BUD31: variants seen among roughly 807,000 people sequenced by gnomAD.
The protein encoded by BUD31 is BUD31 spliceosome associated protein.
In BUD31, 9 loss-of-function variants were observed where a neutral mutation model predicts 17.9. The ratio of observed to expected loss-of-function variants is 0.50; its 90% CI spans 0.30 to 0.88. The LOEUF (loss-of-function observed/expected upper bound fraction) is 0.88. Among genes scored for constraint, BUD31 ranks in the 40% least tolerant of loss-of-function variants. The probability of loss-of-function intolerance (pLI) is 0.06; values close to 1 mark genes in which losing one functional copy is unlikely to be tolerated. For synonymous variants in BUD31, 70 were observed against 64.7 expected, an observed-to-expected ratio of 1.08 and a Z score of -0.39; for missense variants, 148 against 184.5, an observed-to-expected ratio of 0.80 and a Z score of 1.15.
In BUD31 at chr7:99,416,255, G is replaced by T. The variant is rs1795446078; in HGVS notation, c.212G>T (p.Ser71Ile). The change falls in exon 4 of 6, where the codon AGC (serine) becomes ATC (isoleucine). Residue 71 changes from serine to isoleucine, a missense_variant. Transcript: ENST00000222969. ...FDLFYKRKAI[S>I]RELYEYCIKE... ...CTCTTTTACAAGCGGAAAGCCATCA[G>T]CAGAGGTAATTAGTCAGTCTCTCTT... is the stretch of plus-strand genomic sequence containing the variant. The T allele has an allele frequency of 1.2e-6, 2 of 1,613,460 alleles. No individual in the cohort carries two copies. Among genetic ancestry groups the T allele is most frequent in the Non-Finnish European group, 1.7e-6 (2 of 1,179,554 alleles).
chr7:99,412,172 CAG>C (rs1233579068), intron 3 of BUD31, among the ~76,000 whole-genome samples: 1 of 152,144 alleles, frequency 6.6e-6, no homozygotes, highest in Non-Finnish European at 1.5e-5. Context: ...ATTAAATACT[CAG>C]TACTTGTTTT....
rs370702859 is a variant in BUD31 at position 99,419,343 on chromosome 7, G to T, written c.385-48G>T. On this transcript the variant is annotated intron_variant, in intron 5 of 5. Coordinates refer to ENST00000222969, the MANE Select transcript of BUD31 (RefSeq NM_003910.4). ...GTTGCCACATATGTGAGTGTGCAGG[G>T]GCGAGCGTGGCGCAGTGGCATCGTC... The T allele has an allele frequency of 2.2e-5, 36 of 1,606,052 alleles. No individual in the cohort carries two copies. The African/African-American group carries it at 3.7e-4, about 17-fold the overall frequency.
rs992118469 is a variant in BUD31, at chr7:99,408,992, C to G, written c.-419C>G. The G allele has an allele frequency of 6.4e-6, 1 of 156,346 alleles. No homozygotes were observed. Among genetic ancestry groups the G allele is most frequent in the Non-Finnish European group, 1.4e-5 (1 of 70,828 alleles). The allele number at this position is 156,346 out of a possible 1,614,324, so 9.7% of individuals were successfully genotyped here. ...CTGTCGAGAAGCAGCTACCCAAGCT[C>G]CAGGAGCTTCCGGTATGTGTTTTCC... is the stretch of plus-strand genomic sequence containing the variant. On this transcript the variant is annotated 5_prime_UTR_variant, in exon 1 of 6. Coordinates refer to ENST00000222969, the MANE Select transcript of BUD31 (RefSeq NM_003910.4).
chr7:99,414,186 C>T (rs1795296760), intron 3 of BUD31, among the ~76,000 whole-genome samples: 2 of 151,750 alleles, frequency 1.3e-5, no homozygotes, highest in South Asian at 4.2e-4. Flanking sequence ...GTTGCCCACG[C>T]TGGAGTGCAG....
chr7:99,416,122 C>G lies in BUD31; in HGVS notation c.95-16C>G. ...CCGACCCTATTCCCCCAAACACACT[C>G]TTTGTTTCTCCCCAGCTGAAACAGA... On this transcript the variant is annotated splice_polypyrimidine_tract_variant and intron_variant, in intron 3 of 5. Transcript: ENST00000222969. 6.2e-7 allele frequency: 1 copy of G among 1,612,780 alleles called. No individual in the cohort carries two copies. Among genetic ancestry groups the G allele is most frequent in the Non-Finnish European group, 8.5e-7 (1 of 1,179,006 alleles).
chr7:99,409,702 C>A (rs1026627541), intron 1 of BUD31, among the ~76,000 whole-genome samples: 3 of 131,206 alleles, frequency 2.3e-5, no homozygotes, highest in South Asian at 2.4e-4. Flanking sequence ...CCTGATTCTA[C>A]CTTATAGAGT....
chr7:99,417,416 A>T lies in BUD31; in HGVS notation c.218-13A>T, dbSNP rs989037078. On this transcript the variant is annotated splice_polypyrimidine_tract_variant and intron_variant, in intron 4 of 5. Transcript: ENST00000222969. ...GACCATGGCCTGATGCTCTTTCCCCATCTTTTTGACAGAACTCTATGAATA... is the reference window on the plus strand; with the variant it reads ...GACCATGGCCTGATGCTCTTTCCCCTTCTTTTTGACAGAACTCTATGAATA... The T allele has an allele frequency of 6.2e-7, 1 of 1,613,440 alleles. No homozygotes were observed. The highest frequency in any genetic ancestry group is 1.3e-5 in the African/African-American group (1 of 74,908).
chr7:99,412,585 C>G (rs576097089), intron 3 of BUD31, among the ~76,000 whole-genome samples: 1 of 151,910 alleles, frequency 6.6e-6, no homozygotes, highest in South Asian at 2.1e-4. Flanking sequence ...TCCACTGCCA[C>G]GCTTGGCTAA....
rs774625404 is a variant in BUD31 at position 99,417,694 on chromosome 7, G to A, written c.384+99G>A. ...TGTTATTTGGTTGGGCTGGAATGTCGTTTTGTCCCTGGATGTCCTGCTGGC... is the reference window on the plus strand; with the variant it reads ...TGTTATTTGGTTGGGCTGGAATGTCATTTTGTCCCTGGATGTCCTGCTGGC... On this transcript the variant is annotated intron_variant, in intron 5 of 5. Coordinates refer to ENST00000222969, the MANE Select transcript of BUD31 (RefSeq NM_003910.4). 1.1e-4 allele frequency: 175 copies of A among 1,555,550 alleles called. No individual in the cohort carries two copies. The South Asian group carries it at 1.6e-3, about 14-fold the overall frequency.
chr7:99,412,791 T>G (rs1050637872), intron 3 of BUD31, among the ~76,000 whole-genome samples: 4 of 150,560 alleles, frequency 2.7e-5, no homozygotes, highest in African/African-American at 9.9e-5. Context: ...TTTTTTTTTT[T>G]TTTGTATTTT....
At position 99,416,201 on chromosome 7, in the gene BUD31, A is replaced by C. The variant is rs1562832019; in HGVS notation, c.158A>C (p.His53Pro). ...VESLWPIFRI[H>P]HQKTRYIFDL... ...TCTCTGTGGCCCATCTTCAGGATCC[A>C]CCACCAGAAAACCCGCTACATCTTC... The change falls in exon 4 of 6, where the codon CAC (histidine) becomes CCC (proline). Residue 53 changes from histidine (H) to proline (P), a missense_variant. Transcript: ENST00000222969. The C allele has an allele frequency of 1.2e-6, 2 of 1,614,058 alleles. No homozygotes were observed. The highest frequency in any genetic ancestry group is 1.7e-6 in the Non-Finnish European group (2 of 1,179,950).
At chr7:99,419,240 T>C (rs1323318027) in intron 5 of BUD31, 151 bp from the exon 6 acceptor site, 1 of 870,866 alleles carries the variant, frequency 1.1e-6, no homozygotes, top group Non-Finnish European at 1.8e-6. Context: ...GAGCCAAATT[T>C]TCCCTGTCCA....
intron 3 of BUD31, 76 bp downstream of exon 3, chr7:99,411,262 A>C: frequency 9.2e-7 from 1 of 1,091,620 alleles, no homozygotes; most frequent in South Asian, 1.4e-5. Context: ...GGACAGGCAT[A>C]AATGCAAATA....
chr7:99,410,323 A>G (rs1174252275), intron 2 of BUD31, among the ~76,000 whole-genome samples, 154 bp downstream of exon 2: 1 of 149,208 alleles, frequency 6.7e-6, no homozygotes, highest in Admixed American at 6.7e-5. Flanking sequence ...GGCTCAAGTG[A>G]TCCTCTTGCC....
At position 99,410,188 on chromosome 7, in the gene BUD31, C is replaced by G. The variant is rs556376648; in HGVS notation, c.-30+19C>G. On this transcript the variant is annotated intron_variant, in intron 2 of 5. Transcript: ENST00000222969. ...TCCTAAGGTACTTTGATTTTACAGT[C>G]ATCTTTCCCTTTTTATTTTATGTTT... 6.6e-6 allele frequency: 1 copy of G among 152,136 alleles called. No individual in the cohort carries two copies. Among genetic ancestry groups the G allele is most frequent in the East Asian group, 1.9e-4 (1 of 5,152 alleles). The allele number at this position is 152,136 out of a possible 1,614,324, so 9.4% of individuals were successfully genotyped here.
chr7:99,411,126 C>G lies in BUD31; in HGVS notation c.34C>G (p.Pro12Ala), dbSNP rs755816155. 2 of 1,614,100 alleles carry G rather than the reference C, an allele frequency of 1.2e-6. No individual in the cohort carries two copies. Among genetic ancestry groups the G allele is most frequent in the South Asian group, 2.2e-5 (2 of 91,064 alleles). The change falls in exon 3 of 6, where the codon CCA becomes GCA. Residue 12 changes from proline to alanine, a missense_variant. Transcript: ENST00000222969. ...AGTCAAAAGAAGCCGGAAAGCACCCCCAGATGGCTGGGAGTTGATTGAGCC... is the reference window on the plus strand; with the variant it reads ...AGTCAAAAGAAGCCGGAAAGCACCCGCAGATGGCTGGGAGTTGATTGAGCC... The part of the protein sequence containing the change: ...PKVKRSRKAP[P>A]DGWELIEPTL...
rs781157693 is a variant in BUD31, at chr7:99,410,030, A to G, written c.-165-4A>G. The G allele has an allele frequency of 7.9e-5, 12 of 152,286 alleles. No individual in the cohort carries two copies. Among genetic ancestry groups the G allele is most frequent in the Non-Finnish European group, 1.6e-4 (11 of 68,032 alleles). The allele number at this position is 152,286 out of a possible 1,614,324, so 9.4% of individuals were successfully genotyped here. On this transcript the variant is annotated splice_region_variant and splice_polypyrimidine_tract_variant and intron_variant, in intron 1 of 5. Transcript: ENST00000222969. Reference sequence around the variant, plus strand: ...TCAGCCAATCCACTGCCCTCATTTTACAGAAGAAACAGGACCAGAGAGGGA... The same window carrying G: ...TCAGCCAATCCACTGCCCTCATTTTGCAGAAGAAACAGGACCAGAGAGGGA...
At position 99,416,166 on chromosome 7, in the gene BUD31, G is replaced by A; in HGVS notation, c.123G>A (p.Arg41=). The A allele has an allele frequency of 6.2e-7, 1 of 1,613,862 alleles. No homozygotes were observed. Among genetic ancestry groups the A allele is most frequent in the Admixed American group, 1.7e-5 (1 of 60,000 alleles). The part of the protein sequence containing the change: ...EAETEPHEGK[R]KVESLWPIFR... ...AAACAGAACCGCATGAGGGAAAGAG[G>A]AAAGTGGAATCTCTGTGGCCCATCT... The change falls in exon 4 of 6, where the codon AGG becomes AGA. Residue 41 remains arginine (R), a synonymous_variant. Coordinates refer to ENST00000222969, the MANE Select transcript of BUD31 (RefSeq NM_003910.4).
In BUD31 at chr7:99,419,574, T is replaced by TATCA. The variant is rs1384674210; in HGVS notation, c.*134_*137dup. On this transcript the variant is annotated 3_prime_UTR_variant, in exon 6 of 6. Coordinates refer to ENST00000222969, the MANE Select transcript of BUD31 (RefSeq NM_003910.4). ...TCTCTATGGGGAAGGCTTCGCTGTC[T>TATCA]ATCAGCTGTGATTTGTAAAAATAAA... 1.3e-5 allele frequency: 13 copies of TATCA among 997,910 alleles called. No homozygotes were observed. In the East Asian group the frequency reaches 2.4e-4, roughly 19 times the overall value. The allele number at this position is 997,910 out of a possible 1,614,324, so 61.8% of individuals were successfully genotyped here. A position where few individuals can be genotyped will look rare whatever the true frequency, so the allele number is the denominator to read the frequency against.
Sources: gnomAD v4.1 joint callset for allele counts (sites outside exome capture counted in the v4.1 genomes callset) on GRCh38, gnomAD v4.1.1 for gene constraint, MANE v1.5 for transcripts, NCBI Gene and HGNC (gene_info 2026-07-23, HGNC 2026-07-21) for gene names.